CDK13: variants seen among roughly 807,000 people sequenced by gnomAD.
CDK13 encodes the protein cyclin-dependent kinase 13.
Under a neutral mutation model 137.6 loss-of-function variants are expected in CDK13, and 40 were observed. That is an observed-to-expected ratio of 0.29 (90% CI 0.23 to 0.38). The LOEUF is 0.38. CDK13 is among the 10% of genes least tolerant of loss of function. CDK13 has a pLI of 1.00. For synonymous variants in CDK13, 869 were observed against 760.1 expected (o/e 1.14, Z -2.36); for missense variants, 1,704 against 1,951.8 (o/e 0.87, Z 2.39).
chr7:40,015,038 T>C (rs944355947), intron 5 of CDK13, among the ~76,000 whole-genome samples: 1 of 152,166 alleles, frequency 6.6e-6, no homozygotes, highest in Non-Finnish European at 1.5e-5. Flanking sequence ...AAATAATTAG[T>C]AGAAGATGAT....
intron 6 of CDK13, 87 bp downstream of exon 6, chr7:40,046,112 G>C: frequency 1.2e-6 from 1 of 832,122 alleles, no homozygotes; most frequent in Non-Finnish European, 1.9e-6. Context: ...CGTAGCGGCG[G>C]GGAATGTCGG....
At chr7:40,030,261 G>GTGTA (rs1554331923) in intron 5 of CDK13, among the ~76,000 whole-genome samples, 16 of 143,320 alleles carry the variant, frequency 1.1e-4, no homozygotes, top group African/African-American at 4.4e-4. Flanking sequence ...ATGTGTGTGT[G>GTGTA]TATATATATA....
At chr7:39,954,040 TTGTTAGAATTCTTCA>T (rs1787327030) in intron 1 of CDK13, among the ~76,000 whole-genome samples, 1 of 152,232 alleles carries the variant, frequency 6.6e-6, no homozygotes, top group Non-Finnish European at 1.5e-5. Context: ...ATATCCCAAA[TTGTTAGAATTCTTCA>T]TATTGTGACC....
chr7:39,950,275 C>G lies in CDK13; in HGVS notation c.-367C>G, dbSNP rs908119296. 2.8e-6 allele frequency: 3 copies of G among 1,057,280 alleles called. No individual in the cohort carries two copies. Among genetic ancestry groups the G allele is most frequent in the African/African-American group, 1.7e-5 (1 of 60,140 alleles). The allele number at this position is 1,057,280 out of a possible 1,614,324, so 65.5% of individuals were successfully genotyped here. On this transcript the variant is annotated 5_prime_UTR_variant, in exon 1 of 14. Transcript: ENST00000181839. ...GGTGGTACTTCCGCGTTGCGCTGCC[C>G]GAGCCGAGAGCGCGGCCAAGGCCGC... is the stretch of plus-strand genomic sequence containing the variant.
At chr7:39,977,693 C>G (rs1423993130) in intron 1 of CDK13, among the ~76,000 whole-genome samples, 1 of 152,084 alleles carries the variant, frequency 6.6e-6, no homozygotes, top group Non-Finnish European at 1.5e-5. Flanking sequence ...CAAGCAGGGC[C>G]GAAGGCTTTG....
Position 40,025,434 on chromosome 7 carries a change from A to G in CDK13, c.2354-20402A>G, listed in dbSNP as rs183587723. 4.9e-4 allele frequency among the ~76,000 whole-genome samples: 74 copies of G among 152,244 alleles called. No individual in the cohort carries two copies. In the East Asian group the frequency reaches 8.1e-3, roughly 17 times the overall value. On this transcript the variant is annotated intron_variant, in intron 5 of 13. Transcript: ENST00000181839. ...TTATAATTTAAAAATTATTTAAATT[A>G]TATTTGTAAATGTAAACTTGTAGTT...
chr7:40,040,114 C>T (rs796604355), intron 5 of CDK13, among the ~76,000 whole-genome samples: 2 of 151,590 alleles, frequency 1.3e-5, no homozygotes, highest in South Asian at 2.1e-4. Flanking sequence ...CAGATTCAAG[C>T]GATTCTCCTG....
rs2116051775 is a variant in CDK13 at position 39,950,973 on chromosome 7, C to T, written c.332C>T (p.Ala111Val). Residue 111 changes from alanine (A) to valine (V), a missense_variant, in exon 1 of 14, where the codon GCC (alanine) becomes GTC (valine). Around this residue, in one of 5 missense-constraint regions of CDK13, gnomAD observed 1,051 missense variants for 931.0 expected, o/e 1.13. Transcript: ENST00000181839. ...GRQKRRRGPR[A>V]GQEAEKRRVF... ...CAGAAGCGGCGTCGCGGGCCCCGCG[C>T]CGGGCAGGAGGCGGAGAAGCGTCGG... is the stretch of plus-strand genomic sequence containing the variant. 1 of 1,315,552 alleles carries T rather than the reference C, an allele frequency of 7.6e-7. No individual in the cohort carries two copies. The highest frequency in any genetic ancestry group is 4.2e-5 in the Admixed American group (1 of 23,972). 81.5% of individuals were successfully genotyped at this position (1,315,552 alleles called of 1,614,324 possible).
At chr7:40,047,253 T>G (rs781172156) in intron 6 of CDK13, among the ~76,000 whole-genome samples, 1 of 152,178 alleles carries the variant, frequency 6.6e-6, no homozygotes, top group African/African-American at 2.4e-5. Context: ...TTAAAACTTA[T>G]GTAAATAAGC....
intron 2 of CDK13, among the ~76,000 whole-genome samples, chr7:39,990,208 G>A (rs1159128758): frequency 6.6e-6 from 1 of 151,916 alleles, no homozygotes; most frequent in African/African-American, 2.4e-5. Context: ...TTAGTTGGTG[G>A]CACATTTAAT....
chr7:40,051,030 C>A (rs1408416932), intron 7 of CDK13, among the ~76,000 whole-genome samples: 1 of 151,954 alleles, frequency 6.6e-6, no homozygotes, highest in Admixed American at 6.6e-5. Context: ...CATTGGAGTG[C>A]CGGGGTGTGG....
At position 39,951,710 on chromosome 7, in the gene CDK13, C is replaced by A; in HGVS notation, c.1069C>A (p.Arg357Ser). ...GSSPYSRRLPRSPSPYSRRRS... is the reference protein window; with the variant it reads ...GSSPYSRRLPSSPSPYSRRRS... ...CAGCCCCTATTCTCGGCGGCTGCCG[C>A]GCTCCCCGAGCCCCTACAGTCGCCG... The change falls in exon 1 of 14, where the codon CGC becomes AGC. Residue 357 changes from arginine to serine, a missense_variant. By Grantham distance (110) the Arg-to-Ser change is moderately radical. Transcript: ENST00000181839. 2 of 1,472,640 alleles carry A rather than the reference C, an allele frequency of 1.4e-6. No individual in the cohort carries two copies. The highest frequency in any genetic ancestry group is 1.8e-6 in the Non-Finnish European group (2 of 1,122,468). 91.2% of individuals were successfully genotyped at this position (1,472,640 alleles called of 1,614,324 possible). A position where few individuals can be genotyped will look rare whatever the true frequency, so the allele number is the denominator to read the frequency against.
chr7:39,960,157 C>G (rs1445832267), intron 1 of CDK13, among the ~76,000 whole-genome samples: 1 of 147,278 alleles, frequency 6.8e-6, no homozygotes, highest in East Asian at 2.0e-4. Context: ...TTTTAGATTT[C>G]TCTTTGAGCC....
At chr7:39,957,089 T>TTGTGTG (rs1787429685) in intron 1 of CDK13, among the ~76,000 whole-genome samples, 5 of 131,878 alleles carry the variant, frequency 3.8e-5, no homozygotes, top group African/African-American at 6.6e-5. Flanking sequence ...AATCCCACTG[T>TTGTGTG]CGTGTGTGTG....
chr7:39,993,611 G>A (rs2116294056), intron 2 of CDK13, among the ~76,000 whole-genome samples: 1 of 152,122 alleles, frequency 6.6e-6, no homozygotes, highest in South Asian at 2.1e-4. Context: ...CATGGATAAT[G>A]TTTCTTGACT....
At chr7:40,082,967 G>T (rs1370229529) in intron 11 of CDK13, among the ~76,000 whole-genome samples, 1 of 152,028 alleles carries the variant, frequency 6.6e-6, no homozygotes, top group East Asian at 1.9e-4. Context: ...GCCAGGCGTG[G>T]TGGCACACGC....
chr7:39,994,754 C>T (rs952693212), intron 2 of CDK13, among the ~76,000 whole-genome samples: 3 of 151,918 alleles, frequency 2.0e-5, no homozygotes, highest in Non-Finnish European at 4.4e-5. Flanking sequence ...AATATATATC[C>T]TTTGACTTCA....
intron 9 of CDK13, among the ~76,000 whole-genome samples, chr7:40,065,797 A>T (rs960807481): frequency 1.3e-5 from 2 of 152,266 alleles, no homozygotes; most frequent in Non-Finnish European, 1.5e-5. Context: ...AAAATGTAAA[A>T]TTTATGAAGA....
intron 2 of CDK13, among the ~76,000 whole-genome samples, chr7:39,994,279 G>C (rs765902689): frequency 6.6e-6 from 1 of 152,094 alleles, no homozygotes; most frequent in Non-Finnish European, 1.5e-5. Flanking sequence ...AGATCTGATA[G>C]AAGTTTGGTT....
Sources: gnomAD v4.1 joint callset for allele counts (sites outside exome capture counted in the v4.1 genomes callset) on GRCh38, gnomAD v4.1.1 for gene constraint, gnomAD v4.1.1 regional missense constraint, MANE v1.5 for transcripts, NCBI Gene and HGNC (gene_info 2026-07-23, HGNC 2026-07-21) for gene names.